Variants in RPS6KC1 observed in about 807,000 individuals in gnomAD.
RPS6KC1 encodes the protein ribosomal protein S6 kinase C1, also known as inactive ribosomal protein S6 kinase delta-1.
A neutral mutation model predicts 103.8 loss-of-function variants in RPS6KC1; 54 were observed. The observed-to-expected ratio is 0.52, with a 90% confidence interval of 0.42 to 0.65. The LOEUF is 0.65. Ranked by LOEUF, RPS6KC1 falls within the 30% of genes least tolerant of loss-of-function variation. The pLI is 0.00. For synonymous variants in RPS6KC1, 439 were observed against 438.7 expected (o/e 1.00, Z -0.01); for missense variants, 1,151 against 1,253.8 (o/e 0.92, Z 1.24).
the RPS6KC1 span, among the ~76,000 whole-genome samples, chr1:213,377,899 T>C: frequency 6.6e-6 from 1 of 152,220 alleles, no homozygotes; most frequent in African/African-American, 2.4e-5. Flanking sequence ...ATCCTACACA[T>C]TGGGACTTTA....
the RPS6KC1 span, among the ~76,000 whole-genome samples, chr1:213,347,895 T>C: frequency 2.6e-5 from 4 of 152,134 alleles, no homozygotes; most frequent in East Asian, 1.9e-4. Context: ...ATCACCAGTA[T>C]GGCAATAGGA....
chr1:213,469,700 GACAA>G, the RPS6KC1 span, among the ~76,000 whole-genome samples: 55,626 of 151,798 alleles, frequency 0.37, 10,801 homozygotes, highest in East Asian at 0.59. Context: ...TGTCTCTGAA[GACAA>G]ACAAACTTTA....
the RPS6KC1 span, among the ~76,000 whole-genome samples, chr1:213,585,556 A>C: frequency 1.3e-5 from 2 of 152,174 alleles, no homozygotes; most frequent in Non-Finnish European, 2.9e-5. Flanking sequence ...TCCTGATCCC[A>C]AGTGACCTTC....
At chr1:213,596,629 G>T in the RPS6KC1 span, among the ~76,000 whole-genome samples, 1 of 152,224 alleles carries the variant, frequency 6.6e-6, no homozygotes, top group African/African-American at 2.4e-5. Context: ...CTCCTGGTTT[G>T]ATCTTTTCAA....
the RPS6KC1 span, among the ~76,000 whole-genome samples, chr1:213,786,253 T>G: frequency 6.6e-6 from 1 of 152,192 alleles, no homozygotes; most frequent in African/African-American, 2.4e-5. Flanking sequence ...GTTCTTAGAC[T>G]TTTTGAAAAG....
At chr1:213,272,133 C>T (rs982019231) in intron 14 of RPS6KC1, among the ~76,000 whole-genome samples, 3 of 152,182 alleles carry the variant, frequency 2.0e-5, no homozygotes, top group African/African-American at 7.2e-5. Flanking sequence ...ATTTACTGTG[C>T]TTCCCAAATT....
the RPS6KC1 span, among the ~76,000 whole-genome samples, chr1:213,543,683 C>T: frequency 6.6e-6 from 1 of 152,234 alleles, no homozygotes; most frequent in Non-Finnish European, 1.5e-5. Flanking sequence ...GGGAAACCAT[C>T]CCAGTTCAGA....
chr1:213,330,687 G>T, the RPS6KC1 span, among the ~76,000 whole-genome samples: 1 of 152,222 alleles, frequency 6.6e-6, no homozygotes, highest in African/African-American at 2.4e-5. Flanking sequence ...ATACAAAGTG[G>T]TGACCAGCTT....
intron 8 of RPS6KC1, among the ~76,000 whole-genome samples, chr1:213,184,694 C>T (rs1272774856): frequency 6.6e-6 from 1 of 152,026 alleles, no homozygotes; most frequent in African/African-American, 2.4e-5. Flanking sequence ...TGTTGTATTT[C>T]CATTTTCATT....
the RPS6KC1 span, among the ~76,000 whole-genome samples, chr1:213,353,482 T>C: frequency 6.6e-6 from 1 of 152,210 alleles, no homozygotes; most frequent in Admixed American, 6.5e-5. Flanking sequence ...GAAACAGAGA[T>C]TCTAACCCAG....
downstream of RPS6KC1, among the ~76,000 whole-genome samples, chr1:213,275,477 A>G (rs2095110520): frequency 1.3e-5 from 2 of 152,344 alleles, no homozygotes; most frequent in South Asian, 4.1e-4. Context: ...TGGATAAGTT[A>G]AGCTTCCCAA....
In RPS6KC1 at chr1:213,176,448, G is replaced by A. The variant is rs2091878369; in HGVS notation, c.1000G>A (p.Ala334Thr). Residue 334 changes from alanine to threonine, a missense_variant, in exon 8 of 15, where the codon GCC (alanine) becomes ACC (threonine). Around this residue, in one of 3 missense-constraint regions of RPS6KC1, gnomAD observed 959 missense variants for 1,006.3 expected, o/e 0.95. Transcript: ENST00000366960. ...SRPLWNLRSP[A>T]EELKAFRVLG... The stretch of plus-strand genomic sequence containing the variant: ...GCCCCTTTGGAACCTAAGGAGCCCT[G>A]CCGAGGAGCTGAAGGCCTTCAGAGT... 1 of 1,609,386 alleles carries A rather than the reference G, an allele frequency of 6.2e-7. No individual in the cohort carries two copies. Among genetic ancestry groups the A allele is most frequent in the Non-Finnish European group, 8.5e-7 (1 of 1,176,582 alleles).
chr1:213,451,443 GTGCAGTTGACAGAAGAT>G, the RPS6KC1 span, among the ~76,000 whole-genome samples: 1 of 152,144 alleles, frequency 6.6e-6, no homozygotes, highest in Non-Finnish European at 1.5e-5. Context: ...TAGTTCATCC[GTGCAGTTGACAGAAGAT>G]TGCATGGAAC....
the RPS6KC1 span, among the ~76,000 whole-genome samples, chr1:213,294,306 C>T: frequency 6.6e-6 from 1 of 152,248 alleles, no homozygotes; most frequent in Non-Finnish European, 1.5e-5. Context: ...GAAACAGCTG[C>T]AAGGGGTCAC....
the RPS6KC1 span, among the ~76,000 whole-genome samples, chr1:213,621,126 C>A: frequency 6.6e-6 from 1 of 152,234 alleles, no homozygotes; most frequent in Non-Finnish European, 1.5e-5. Flanking sequence ...ACCCTGCCTT[C>A]TCTGCCCCCA....
At chr1:213,635,195 A>G in the RPS6KC1 span, among the ~76,000 whole-genome samples, 1 of 152,228 alleles carries the variant, frequency 6.6e-6, no homozygotes, top group Non-Finnish European at 1.5e-5. Flanking sequence ...CCAGAGGTAC[A>G]AGGAGGAGCT....
chr1:213,844,821 T>A, the RPS6KC1 span, among the ~76,000 whole-genome samples: 56 of 152,250 alleles, frequency 3.7e-4, 2 homozygotes, highest in South Asian at 0.011. Flanking sequence ...GTATGGTTCT[T>A]CAGAAACTAG....
chr1:213,666,944 A>T, the RPS6KC1 span, among the ~76,000 whole-genome samples: 2 of 152,226 alleles, frequency 1.3e-5, no homozygotes, highest in Non-Finnish European at 2.9e-5. Context: ...TTCGTGAGTG[A>T]TGGGAAGAGA....
At chr1:213,780,385 G>A in the RPS6KC1 span, among the ~76,000 whole-genome samples, 1 of 152,172 alleles carries the variant, frequency 6.6e-6, no homozygotes, top group Non-Finnish European at 1.5e-5. Flanking sequence ...CACAAGGTGG[G>A]GACAGAAGCC....
Sources: allele counts gnomAD v4.1 joint callset (sites outside exome capture counted in the v4.1 genomes callset), GRCh38; gene constraint gnomAD v4.1.1; regional missense constraint gnomAD v4.1.1; transcripts MANE v1.5; gene names NCBI Gene and HGNC (gene_info 2026-07-23, HGNC 2026-07-21).